APBA1: variants seen among roughly 807,000 people sequenced by gnomAD.
The protein encoded by APBA1 is amyloid-beta A4 precursor protein-binding family A member 1.
Under a neutral mutation model 86.6 loss-of-function variants are expected in APBA1, and 55 were observed. The observed-to-expected ratio is 0.64, with a 90% CI of 0.51 to 0.80. The LOEUF is 0.80. APBA1 is among the 30% of genes least tolerant of loss of function. APBA1 has a pLI of 0.00. For missense variants in APBA1, 1,090 were observed against 1,183.0 expected, an observed-to-expected ratio of 0.92 and a Z score of 1.15; for synonymous variants, 511 against 493.9, an observed-to-expected ratio of 1.03 and a Z score of -0.46.
intron 2 of APBA1, among the ~76,000 whole-genome samples, chr9:69,511,795 T>A (rs979344710): frequency 6.6e-6 from 1 of 151,826 alleles, no homozygotes; most frequent in Non-Finnish European, 1.5e-5. Context: ...AAATTGGAAA[T>A]CATCATTCTC....
chr9:69,621,575 C>T (rs1822818433), intron 1 of APBA1, among the ~76,000 whole-genome samples: 1 of 152,210 alleles, frequency 6.6e-6, no homozygotes, highest in African/African-American at 2.4e-5. Context: ...GGTCTATGAG[C>T]AAGTTATTTA....
intron 1 of APBA1, among the ~76,000 whole-genome samples, chr9:69,522,084 C>CACACACACAT (rs1836261983): frequency 1.3e-5 from 2 of 151,192 alleles, no homozygotes; most frequent in African/African-American, 4.9e-5. Flanking sequence ...CACACACACA[C>CACACACACAT]ACATATATAA....
intron 1 of APBA1, among the ~76,000 whole-genome samples, chr9:69,543,323 T>G (rs1044426338): frequency 6.1e-5 from 9 of 147,856 alleles, no homozygotes; most frequent in African/African-American, 2.2e-4. Flanking sequence ...ACTGCACTTG[T>G]GGCTCTGCTT....
intron 8 of APBA1, among the ~76,000 whole-genome samples, chr9:69,455,530 T>C (rs772324016): frequency 2.0e-5 from 3 of 152,152 alleles, no homozygotes; most frequent in Non-Finnish European, 4.4e-5. Flanking sequence ...AAATTTTCTC[T>C]GTTGACTGCA....
At chr9:69,497,452 G>A (rs991870010) in intron 2 of APBA1, among the ~76,000 whole-genome samples, 4 of 152,060 alleles carry the variant, frequency 2.6e-5, no homozygotes, top group African/African-American at 9.7e-5. Context: ...CACACAGAGG[G>A]GACCTGGAGG....
chr9:69,610,742 T>C (rs1163974337), intron 1 of APBA1, among the ~76,000 whole-genome samples: 1 of 152,204 alleles, frequency 6.6e-6, no homozygotes, highest in African/African-American at 2.4e-5. Flanking sequence ...AGATTTTCTT[T>C]GCTCTCAAGA....
At chr9:69,644,356 A>G (rs2134010517) in intron 1 of APBA1, among the ~76,000 whole-genome samples, 1 of 152,282 alleles carries the variant, frequency 6.6e-6, no homozygotes, top group Non-Finnish European at 1.5e-5. Flanking sequence ...CTCCACTGAT[A>G]ATGTCCCATG....
At chr9:69,560,269 G>C (rs1282760247) in intron 1 of APBA1, among the ~76,000 whole-genome samples, 1 of 152,084 alleles carries the variant, frequency 6.6e-6, no homozygotes, top group Non-Finnish European at 1.5e-5. Context: ...TTTTTAAAAA[G>C]TATATTTTAA....
At chr9:69,625,179 A>G (rs1258472777) in intron 1 of APBA1, among the ~76,000 whole-genome samples, 1 of 152,138 alleles carries the variant, frequency 6.6e-6, no homozygotes, top group African/African-American at 2.4e-5. Context: ...CTTCAAACAC[A>G]TCGAGCTTGC....
rs139423185 is a variant in APBA1, at chr9:69,543,743, G to A, written c.-69-26464C>T. Among the ~76,000 whole-genome samples the A allele has an allele frequency of 3.1e-3, 475 of 152,294 alleles. 3 individuals carry two copies. Among genetic ancestry groups the A allele is most frequent in the African/African-American group, 0.011 (448 of 41,568 alleles). On this transcript the variant is annotated intron_variant, in intron 1 of 12. Coordinates refer to ENST00000265381, the MANE Select transcript of APBA1 (RefSeq NM_001163.4). ...GGTCACAAAGCAGATAATTGGTGGG[G>A]TTAGGATTTTAACTTGCATCATATG...
At chr9:69,658,318 CTT>C (rs1823675627) in intron 1 of APBA1, among the ~76,000 whole-genome samples, 1 of 108,406 alleles carries the variant, frequency 9.2e-6, no homozygotes, top group South Asian at 3.2e-4. Flanking sequence ...TTCTTTCTTT[CTT>C]TCTTTCTTTC....
In APBA1 at chr9:69,429,584, T is replaced by C. The variant is rs1433985030; in HGVS notation, c.*1743A>G. ...TGCTCGTTCCTGTCAAGCACTGAGC[T>C]TCCCTGATTCTAAGCAGAAAACTCA... On this transcript the variant is annotated 3_prime_UTR_variant, in exon 13 of 13. Coordinates refer to ENST00000265381, the MANE Select transcript of APBA1 (RefSeq NM_001163.4). 2 of 152,076 alleles carry C rather than the reference T, an allele frequency of 1.3e-5. No homozygotes were observed. The highest frequency in any genetic ancestry group is 4.8e-5 in the African/African-American group (2 of 41,420). 9.4% of individuals were successfully genotyped at this position (152,076 alleles called of 1,614,324 possible). A position where few individuals can be genotyped will look rare whatever the true frequency, so the allele number is the denominator to read the frequency against.
intron 1 of APBA1, among the ~76,000 whole-genome samples, chr9:69,545,368 T>G (rs974279299): frequency 1.3e-5 from 2 of 152,238 alleles, no homozygotes; most frequent in African/African-American, 2.4e-5. Context: ...ATGGCCAGGC[T>G]GCACCTCTGG....
Position 69,432,576 on chromosome 9 carries a change from TG to T in APBA1, c.2401del (p.His801ThrfsTer17). 11 of 1,599,652 alleles carry T rather than the reference TG, an allele frequency of 6.9e-6. No individual in the cohort carries two copies. Among genetic ancestry groups the T allele is most frequent in the South Asian group, 2.3e-5 (2 of 88,834 alleles). On this transcript the variant is annotated frameshift_variant, in exon 12 of 13. Transcript: ENST00000265381. LOFTEE classifies it high-confidence loss of function. ...GGAGAGAATGTGGACGATCTTCTCG[TG>T]GGGGGTGGCCACGACGCTCTGTCCA... Reference protein sequence around the residue: ...INGQSVVATPHEKIVHILSNA... With the variant: ...INGQSVVATPXEKIVHILSNA...
chr9:69,622,525 G>A (rs1430985530), intron 1 of APBA1, among the ~76,000 whole-genome samples: 1 of 151,460 alleles, frequency 6.6e-6, no homozygotes, highest in Admixed American at 6.6e-5. Context: ...TTAAATCAAA[G>A]TCTGTTTTTA....
intron 1 of APBA1, among the ~76,000 whole-genome samples, chr9:69,647,299 C>A (rs960861326): frequency 6.6e-6 from 1 of 152,154 alleles, no homozygotes; most frequent in Non-Finnish European, 1.5e-5. Flanking sequence ...GAAAAGAAAG[C>A]AAATCATGGA....
rs1302420893 is a variant in APBA1 at position 69,529,942 on chromosome 9, A to T, written c.-69-12663T>A. The stretch of plus-strand genomic sequence containing the variant: ...AGTGGCCAAGAAACACATGAAAAAA[A>T]TGTTCACATCGTTAATCATCATCTT... On this transcript the variant is annotated intron_variant, in intron 1 of 12. Transcript: ENST00000265381. 2.0e-5 allele frequency among the ~76,000 whole-genome samples: 3 copies of T among 152,182 alleles called. No individual in the cohort carries two copies. In the Middle Eastern group the frequency reaches 0.01, roughly 518 times the overall value.
At chr9:69,600,695 G>C (rs1276696678) in intron 1 of APBA1, among the ~76,000 whole-genome samples, 1 of 151,624 alleles carries the variant, frequency 6.6e-6, no homozygotes, top group Admixed American at 6.6e-5. Flanking sequence ...GCTACTCGGG[G>C]GGCTGAGGCA....
intron 1 of APBA1, among the ~76,000 whole-genome samples, chr9:69,647,238 A>G (rs1823409926): frequency 6.6e-6 from 1 of 152,226 alleles, no homozygotes; most frequent in South Asian, 2.1e-4. Flanking sequence ...ACACTGTTCA[A>G]GCCTGGAAAG....
Sources: gnomAD v4.1 joint callset for allele counts (sites outside exome capture counted in the v4.1 genomes callset) on GRCh38, gnomAD v4.1.1 for gene constraint, MANE v1.5 for transcripts, NCBI Gene and HGNC (gene_info 2026-07-23, HGNC 2026-07-21) for gene names.